The following C3orf70 variants were observed in gnomAD, a reference collection of about 807,000 sequenced individuals.
The protein encoded by C3orf70 is UPF0524 protein C3orf70.
Under a neutral mutation model 20.7 loss-of-function variants are expected in C3orf70, and 15 were observed. That is an observed-to-expected ratio of 0.72 (90% confidence interval 0.48 to 1.11). C3orf70 has a LOEUF of 1.11. Ranked by LOEUF, C3orf70 falls within the 50% of genes most tolerant of loss-of-function variation. The pLI is 0.00. For synonymous variants in C3orf70, 161 were observed against 125.7 expected (o/e 1.28, Z -1.88); for missense variants, 332 against 317.6 (o/e 1.05, Z -0.34).
At chr3:185,107,013 T>C (rs1715958776) in intron 1 of C3orf70, among the ~76,000 whole-genome samples, 1 of 151,968 alleles carries the variant, frequency 6.6e-6, no homozygotes, top group African/African-American at 2.4e-5. Flanking sequence ...AACAGGAGGA[T>C]TTGGAAGCAC....
At chr3:185,144,413 G>C (rs1226793977) in intron 1 of C3orf70, among the ~76,000 whole-genome samples, 1 of 152,124 alleles carries the variant, frequency 6.6e-6, no homozygotes, top group Admixed American at 6.5e-5. Flanking sequence ...TGGAGGAGGG[G>C]CTGATCCTTC....
At chr3:185,091,462 C>CTAAGAGAATGTGGT (rs1194798541) in intron 1 of C3orf70, among the ~76,000 whole-genome samples, 1 of 151,982 alleles carries the variant, frequency 6.6e-6, no homozygotes, top group African/African-American at 2.4e-5. Context: ...AAGGAGGGCT[C>CTAAGAGAATGTGGT]TAAGAGAATG....
chr3:185,107,931 T>C (rs1715981340), intron 1 of C3orf70, among the ~76,000 whole-genome samples: 1 of 152,180 alleles, frequency 6.6e-6, no homozygotes, highest in Non-Finnish European at 1.5e-5. Context: ...GGCTTTTTCT[T>C]CCACATACTA....
At chr3:185,132,865 G>A (rs1716549909) in intron 1 of C3orf70, among the ~76,000 whole-genome samples, 1 of 152,026 alleles carries the variant, frequency 6.6e-6, no homozygotes, top group South Asian at 2.1e-4. Context: ...TATCTTAAAG[G>A]CAGCTAGAGA....
At chr3:185,111,281 C>T (rs897607770) in intron 1 of C3orf70, among the ~76,000 whole-genome samples, 2 of 151,752 alleles carry the variant, frequency 1.3e-5, no homozygotes, top group African/African-American at 4.8e-5. Context: ...TCAAAAGATA[C>T]CATCAAGAAA....
At chr3:185,094,074 G>GTTTTTTTTTTTTTTTTT (rs71162282) in intron 1 of C3orf70, among the ~76,000 whole-genome samples, 1 of 80,644 alleles carries the variant, frequency 1.2e-5, no homozygotes, top group Non-Finnish European at 2.2e-5. Flanking sequence ...ATACCCTGGG[G>GTTTTTTTTTTTTTTTTT]TTTTTTTTTT....
chr3:185,105,368 G>A (rs1715912673), intron 1 of C3orf70, among the ~76,000 whole-genome samples: 1 of 152,244 alleles, frequency 6.6e-6, no homozygotes, highest in South Asian at 2.1e-4. Context: ...CACTCAGGGT[G>A]GAAAACCGCT....
rs1717016056 is a variant in C3orf70, at chr3:185,152,622, A to C, written c.196+6T>G. On this transcript the variant is annotated splice_donor_region_variant and intron_variant, in intron 1 of 1. Transcript: ENST00000335012. ...GCGGAAGGCGGGAAGACGCGGCTCGACTTACAGTGACACCATCCTAGGTGA... is the reference window on the plus strand; with the variant it reads ...GCGGAAGGCGGGAAGACGCGGCTCGCCTTACAGTGACACCATCCTAGGTGA... 5 of 1,555,054 alleles carry C rather than the reference A, an allele frequency of 3.2e-6. No homozygotes were observed. Among genetic ancestry groups the C allele is most frequent in the Non-Finnish European group, 4.3e-6 (5 of 1,151,146 alleles).
chr3:185,085,047 T>C (rs186165597), intron 1 of C3orf70, among the ~76,000 whole-genome samples: 1 of 152,266 alleles, frequency 6.6e-6, no homozygotes, highest in African/African-American at 2.4e-5. Context: ...CCTCGGCCTC[T>C]CCCCACTAGA....
chr3:185,104,948 A>G (rs1273839169), intron 1 of C3orf70, among the ~76,000 whole-genome samples: 1 of 152,236 alleles, frequency 6.6e-6, no homozygotes, highest in Non-Finnish European at 1.5e-5. Context: ...AAACCTGCAC[A>G]CATACCCCTG....
intron 1 of C3orf70, among the ~76,000 whole-genome samples, chr3:185,094,180 C>T (rs1297345457): frequency 1.4e-5 from 2 of 140,798 alleles, no homozygotes; most frequent in Non-Finnish European, 3.0e-5. Flanking sequence ...TGGGTTCAAG[C>T]GATTCTCCCA....
At chr3:185,152,485 C>T in intron 1 of C3orf70, 143 bp downstream of exon 1, 1 of 560,302 alleles carries the variant, frequency 1.8e-6, no homozygotes, top group African/African-American at 2.0e-5. Flanking sequence ...GGGCCCGGAG[C>T]CCACGGCGGC....
chr3:185,150,245 T>C (rs1716964978), intron 1 of C3orf70, among the ~76,000 whole-genome samples: 1 of 152,244 alleles, frequency 6.6e-6, no homozygotes, highest in South Asian at 2.1e-4. Flanking sequence ...GAAGGGCAGT[T>C]CTACCCGCAA....
intron 1 of C3orf70, among the ~76,000 whole-genome samples, chr3:185,119,321 T>C (rs62289780): frequency 0.059 from 9,025 of 152,224 alleles, 375 homozygotes; most frequent in South Asian, 0.1. Flanking sequence ...ACGGTGACTA[T>C]AGTTAATAAT....
At chr3:185,110,155 T>A (rs1415714122) in intron 1 of C3orf70, among the ~76,000 whole-genome samples, 2 of 152,132 alleles carry the variant, frequency 1.3e-5, no homozygotes, top group African/African-American at 4.8e-5. Flanking sequence ...AACACAAAGA[T>A]TTGTGGAAAC....
intron 1 of C3orf70, among the ~76,000 whole-genome samples, chr3:185,093,843 G>A (rs1186931662): frequency 6.6e-6 from 1 of 151,980 alleles, no homozygotes; most frequent in South Asian, 2.1e-4. Context: ...GCTCTCCTAT[G>A]ACCTGAGACC....
chr3:185,077,370 C>A lies in C3orf70; in HGVS notation c.*5637G>T. Reference sequence around the variant, plus strand: ...CCACTCATGTACGAGCTGTGCCACACTGGGTAAAGATGTGGACTTCTTGAG... The same window carrying A: ...CCACTCATGTACGAGCTGTGCCACAATGGGTAAAGATGTGGACTTCTTGAG... On this transcript the variant is annotated 3_prime_UTR_variant, in exon 2 of 2. Coordinates refer to ENST00000335012, the MANE Select transcript of C3orf70 (RefSeq NM_001025266.3). Among the ~76,000 whole-genome samples the A allele has an allele frequency of 6.6e-6, 1 of 152,146 alleles. No homozygotes were observed. The highest frequency in any genetic ancestry group is 6.5e-5 in the Admixed American group (1 of 15,280).
At chr3:185,094,764 T>C (rs1402504108) in intron 1 of C3orf70, among the ~76,000 whole-genome samples, 2 of 152,174 alleles carry the variant, frequency 1.3e-5, no homozygotes, top group African/African-American at 4.8e-5. Flanking sequence ...TGGAAAGTCA[T>C]ACTTATCCAC....
intron 1 of C3orf70, among the ~76,000 whole-genome samples, chr3:185,099,690 C>A (rs10937204): frequency 0.18 from 27,035 of 151,950 alleles, 2,796 homozygotes; most frequent in East Asian, 0.42. Context: ...AGCATGATAG[C>A]AGGATCAGAT....
Sources: allele counts gnomAD v4.1 joint callset (sites outside exome capture counted in the v4.1 genomes callset), GRCh38; gene constraint gnomAD v4.1.1; transcripts MANE v1.5; gene names NCBI Gene and HGNC (gene_info 2026-07-23, HGNC 2026-07-21).